The following NKAIN3 variants were observed in gnomAD, a reference collection of about 807,000 sequenced individuals.
The protein encoded by NKAIN3 is sodium/potassium transporting ATPase interacting 3.
A neutral mutation model predicts 30.2 loss-of-function variants in NKAIN3; 25 were observed. The ratio of observed to expected loss-of-function variants is 0.83; its 90% CI spans 0.60 to 1.16. NKAIN3 has a LOEUF of 1.16. Among genes scored for constraint, NKAIN3 ranks in the 50% most tolerant of loss-of-function variants. The pLI, the probability that NKAIN3 is intolerant of heterozygous loss-of-function variation, is 0.00. For missense variants in NKAIN3, 225 were observed against 254.1 expected (o/e 0.89, Z 0.78); for synonymous variants, 91 against 89.6 (o/e 1.02, Z -0.09).
chr8:62,668,505 C>A (rs1813200896), intron 3 of NKAIN3, among the ~76,000 whole-genome samples: 1 of 152,156 alleles, frequency 6.6e-6, no homozygotes, highest in Admixed American at 6.5e-5. Context: ...TCACTTTCTG[C>A]CCAGAGTTCT....
At chr8:62,486,589 G>A (rs1201569498) in intron 1 of NKAIN3, among the ~76,000 whole-genome samples, 1 of 152,120 alleles carries the variant, frequency 6.6e-6, no homozygotes, top group Non-Finnish European at 1.5e-5. Context: ...TGTATCTGAC[G>A]TTTGACTTGG....
chr8:62,441,795 T>A (rs984730773), intron 1 of NKAIN3, among the ~76,000 whole-genome samples: 3 of 152,058 alleles, frequency 2.0e-5, no homozygotes, highest in African/African-American at 7.2e-5. Flanking sequence ...TTAAAAACAT[T>A]GATAAGAAAC....
chr8:62,433,934 A>G lies in NKAIN3; in HGVS notation c.55-145605A>G, dbSNP rs370166910. On this transcript the variant is annotated intron_variant, in intron 1 of 6. Transcript: ENST00000623646. Reference sequence around the variant, plus strand: ...TTTGTTCCTTTGATTTTCAGCCTTCAGTCCATCCATCCACCATATCTTTAT... The same window carrying G: ...TTTGTTCCTTTGATTTTCAGCCTTCGGTCCATCCATCCACCATATCTTTAT... Among the ~76,000 whole-genome samples, 16 of 152,204 alleles carry G rather than the reference A, an allele frequency of 1.1e-4. No homozygotes were observed. The East Asian group carries it at 1.2e-3, about 11-fold the overall frequency.
chr8:62,551,317 C>G (rs1057423906), intron 1 of NKAIN3, among the ~76,000 whole-genome samples: 1 of 152,064 alleles, frequency 6.6e-6, no homozygotes, highest in Non-Finnish European at 1.5e-5. Context: ...GTAATCTGAA[C>G]AGTCATACGG....
At position 62,976,205 on chromosome 8, in the gene NKAIN3, T is replaced by A. The variant is rs756095705; in HGVS notation, c.*10798T>A. Reference sequence around the variant, plus strand: ...TCTGTAGATATCTATTAGGTCTGCTTGGTCAAGAGGTGAGTTCAAGTCCTG... The same window carrying A: ...TCTGTAGATATCTATTAGGTCTGCTAGGTCAAGAGGTGAGTTCAAGTCCTG... On this transcript the variant is annotated 3_prime_UTR_variant, in exon 7 of 7. Coordinates refer to ENST00000623646, the MANE Select transcript of NKAIN3 (RefSeq NM_001304533.3). Among the ~76,000 whole-genome samples the A allele has an allele frequency of 1.3e-5, 2 of 152,110 alleles. No individual in the cohort carries two copies. Among genetic ancestry groups the A allele is most frequent in the Admixed American group, 6.5e-5 (1 of 15,270 alleles).
chr8:62,967,529 A>T lies in NKAIN3; in HGVS notation c.*2122A>T, dbSNP rs983468082. ...TGCTTTCCACTCAAGCGCTATGAAG[A>T]GCCCACAGAAACAACAAACTCTGTT... On this transcript the variant is annotated 3_prime_UTR_variant, in exon 7 of 7. Coordinates refer to ENST00000623646, the MANE Select transcript of NKAIN3 (RefSeq NM_001304533.3). Among the ~76,000 whole-genome samples, 17 of 152,112 alleles carry T rather than the reference A, an allele frequency of 1.1e-4. No individual in the cohort carries two copies. The highest frequency in any genetic ancestry group is 4.1e-4 in the African/African-American group (17 of 41,368).
intron 5 of NKAIN3, among the ~76,000 whole-genome samples, chr8:62,949,496 T>C (rs1316431661): frequency 6.6e-6 from 1 of 152,180 alleles, no homozygotes; most frequent in East Asian, 1.9e-4. Context: ...ACCACAAAGA[T>C]ATTCTGTTAC....
chr8:62,624,436 T>C (rs1811728125), intron 3 of NKAIN3, among the ~76,000 whole-genome samples: 1 of 151,804 alleles, frequency 6.6e-6, no homozygotes, highest in African/African-American at 2.4e-5. Context: ...CTCTCTTTTT[T>C]ACTTTCATGT....
chr8:62,761,271 G>A lies in NKAIN3; in HGVS notation c.471+14142G>A, dbSNP rs1816653330. On this transcript the variant is annotated intron_variant, in intron 4 of 6. Coordinates refer to ENST00000623646, the MANE Select transcript of NKAIN3 (RefSeq NM_001304533.3). ...GCAAAGTAATGACAGCATGTGTTGTGTGCTCTGTAATTTACTTTAAATAAT... is the reference window on the plus strand; with the variant it reads ...GCAAAGTAATGACAGCATGTGTTGTATGCTCTGTAATTTACTTTAAATAAT... 2.0e-5 allele frequency among the ~76,000 whole-genome samples: 3 copies of A among 151,986 alleles called. No homozygotes were observed. The South Asian group carries it at 6.2e-4, about 32-fold the overall frequency.
At chr8:62,933,277 TA>T (rs934919317) in intron 5 of NKAIN3, among the ~76,000 whole-genome samples, 1 of 151,930 alleles carries the variant, frequency 6.6e-6, no homozygotes, top group African/African-American at 2.4e-5. Context: ...ATAGGAGCTA[TA>T]AAAAAAGAAA....
intron 1 of NKAIN3, among the ~76,000 whole-genome samples, chr8:62,500,472 A>AGAAAGAAG (rs1563427429): frequency 1.6e-5 from 2 of 126,030 alleles, no homozygotes; most frequent in Admixed American, 7.5e-5. Flanking sequence ...AAAGAAAGAA[A>AGAAAGAAG]GAAAGAAAGA....
rs563104582 is a variant in NKAIN3, at chr8:62,665,194, A to T, written c.273+75400A>T. The stretch of plus-strand genomic sequence containing the variant: ...GGTTTAAGAAACATTAAAGTAAAAC[A>T]TCTCAATCTTATTATCTCCTAAGCA... On this transcript the variant is annotated intron_variant, in intron 3 of 6. Coordinates refer to ENST00000623646, the MANE Select transcript of NKAIN3 (RefSeq NM_001304533.3). 5.9e-4 allele frequency among the ~76,000 whole-genome samples: 90 copies of T among 152,282 alleles called. 1 individual carries two copies. The South Asian group carries it at 0.018, about 31-fold the overall frequency.
intron 5 of NKAIN3, among the ~76,000 whole-genome samples, chr8:62,946,110 G>A (rs1271607061): frequency 2.0e-5 from 3 of 152,284 alleles, no homozygotes; most frequent in African/African-American, 7.2e-5. Flanking sequence ...AAAGGTGGAG[G>A]AGATTTTAAA....
intron 4 of NKAIN3, among the ~76,000 whole-genome samples, chr8:62,788,243 G>A (rs138840639): frequency 0.011 from 1,717 of 152,324 alleles, 13 homozygotes; most frequent in Non-Finnish European, 0.017. Flanking sequence ...ACTGGTGTGA[G>A]ATGGTATCTC....
At chr8:62,809,467 A>G (rs867216014) in intron 4 of NKAIN3, among the ~76,000 whole-genome samples, 2 of 152,184 alleles carry the variant, frequency 1.3e-5, no homozygotes, top group Admixed American at 1.3e-4. Flanking sequence ...TGAAATCTTC[A>G]CAATTTATGT....
intron 1 of NKAIN3, among the ~76,000 whole-genome samples, chr8:62,556,560 C>A (rs954375777): frequency 2.0e-5 from 3 of 151,332 alleles, no homozygotes; most frequent in Non-Finnish European, 4.4e-5. Flanking sequence ...ATAAGTCCAG[C>A]TATATAATAT....
chr8:62,863,318 G>C, intron 4 of NKAIN3: 1 of 1,549,862 alleles, frequency 6.5e-7, no homozygotes, highest in Non-Finnish European at 8.8e-7. Context: ...CCTGAAGGAG[G>C]AGGAATACCT....
intron 1 of NKAIN3, among the ~76,000 whole-genome samples, chr8:62,406,142 T>C (rs1804059810): frequency 6.6e-6 from 1 of 152,234 alleles, no homozygotes; most frequent in African/African-American, 2.4e-5. Context: ...TTATACTTAG[T>C]GTCTATCCTC....
intron 5 of NKAIN3, among the ~76,000 whole-genome samples, chr8:62,931,861 T>G (rs565642091): frequency 6.6e-6 from 1 of 152,228 alleles, no homozygotes; most frequent in Non-Finnish European, 1.5e-5. Flanking sequence ...AGACACTTTG[T>G]TGATATTCCA....
Sources: allele counts gnomAD v4.1 joint callset (sites outside exome capture counted in the v4.1 genomes callset), GRCh38; gene constraint gnomAD v4.1.1; transcripts MANE v1.5; gene names NCBI Gene and HGNC (gene_info 2026-07-23, HGNC 2026-07-21).